Variants in DOCK9 observed in about 807,000 individuals in gnomAD.
The protein encoded by DOCK9 is dedicator of cytokinesis 9.
Under a neutral mutation model 263.3 loss-of-function variants are expected in DOCK9, and 89 were observed. That is an observed-to-expected ratio of 0.34 (90% CI 0.28 to 0.40). DOCK9 has a LOEUF of 0.40. DOCK9 is among the 10% of genes least tolerant of loss of function. The pLI is 1.00. For synonymous variants in DOCK9, 976 were observed against 973.1 expected, an observed-to-expected ratio of 1.00 and a Z score of -0.06; for missense variants, 2,140 against 2,603.4, an observed-to-expected ratio of 0.82 and a Z score of 3.87.
At chr13:98,857,983 T>C (rs540558286) in intron 33 of DOCK9, 42 of 152,270 alleles carry the variant, frequency 2.8e-4, no homozygotes, top group African/African-American at 9.9e-4. Flanking sequence ...ACAGAAGTCA[T>C]GAAAAAGAAC....
intron 8 of DOCK9, among the ~76,000 whole-genome samples, chr13:98,914,895 A>C (rs1248191637): frequency 6.6e-6 from 1 of 152,206 alleles, no homozygotes; most frequent in Non-Finnish European, 1.5e-5. Flanking sequence ...TCTAATTATT[A>C]CTAATATTTT....
intron 2 of DOCK9, among the ~76,000 whole-genome samples, chr13:98,933,462 G>C (rs912629850): frequency 6.6e-6 from 1 of 151,772 alleles, no homozygotes; most frequent in African/African-American, 2.4e-5. Flanking sequence ...AGAAACCTGA[G>C]TTTTAACAGA....
chr13:98,869,832 G>A (rs1223095613), intron 27 of DOCK9, among the ~76,000 whole-genome samples: 2 of 152,248 alleles, frequency 1.3e-5, no homozygotes, highest in Non-Finnish European at 2.9e-5. Context: ...AAAAGGAGCC[G>A]CTGGCCTCCC....
chr13:98,842,408 G>A (rs2093253999), intron 38 of DOCK9, among the ~76,000 whole-genome samples: 1 of 152,142 alleles, frequency 6.6e-6, no homozygotes, highest in Non-Finnish European at 1.5e-5. Flanking sequence ...ATCTTTAACT[G>A]CCTTTTAGAT....
At chr13:98,834,949 A>C (rs1469761798) in intron 39 of DOCK9, among the ~76,000 whole-genome samples, 1 of 152,196 alleles carries the variant, frequency 6.6e-6, no homozygotes, top group Non-Finnish European at 1.5e-5. Flanking sequence ...TGGACAGGTC[A>C]GTTGTGTAGT....
At chr13:99,010,262 T>G (rs1884245970) in intron 1 of DOCK9, among the ~76,000 whole-genome samples, 1 of 152,234 alleles carries the variant, frequency 6.6e-6, no homozygotes, top group African/African-American at 2.4e-5. Context: ...CTTCAATTCT[T>G]CCACAGCTAC....
intron 1 of DOCK9, among the ~76,000 whole-genome samples, chr13:98,956,137 G>A (rs75804809): frequency 6.6e-6 from 1 of 152,236 alleles, no homozygotes; most frequent in Non-Finnish European, 1.5e-5. Flanking sequence ...AGCCAGGGGG[G>A]CAGGTACTAC....
intron 1 of DOCK9, among the ~76,000 whole-genome samples, chr13:99,077,742 T>C (rs962245907): frequency 2.0e-5 from 3 of 152,164 alleles, no homozygotes; most frequent in Non-Finnish European, 2.9e-5. Flanking sequence ...TGGAGTTCGG[T>C]GCTGCCATGT....
chr13:99,083,525 T>C (rs1400507941), intron 1 of DOCK9, among the ~76,000 whole-genome samples: 1 of 152,116 alleles, frequency 6.6e-6, no homozygotes, highest in Admixed American at 6.5e-5. Context: ...TGAAAAATAA[T>C]AGGAAGAAGA....
intron 9 of DOCK9, among the ~76,000 whole-genome samples, chr13:98,911,861 C>T (rs1321861262): frequency 7.1e-6 from 1 of 140,176 alleles, no homozygotes; most frequent in African/African-American, 2.6e-5. Flanking sequence ...AATTCTATTA[C>T]ATTAAAAAAA....
chr13:98,797,334 G>T (rs759839494), intron 51 of DOCK9, 55 bp downstream of exon 51: 7 of 1,608,422 alleles, frequency 4.4e-6, no homozygotes, highest in Middle Eastern at 1.6e-4. Context: ...CTTCCCGAAT[G>T]AGTACAGAAA....
intron 1 of DOCK9, among the ~76,000 whole-genome samples, chr13:99,072,426 T>C (rs577899340): frequency 6.6e-6 from 1 of 152,132 alleles, no homozygotes; most frequent in African/African-American, 2.4e-5. Flanking sequence ...TTGTATAATA[T>C]CAAAAGAACT....
At chr13:98,977,112 C>G (rs984395276) in intron 1 of DOCK9, among the ~76,000 whole-genome samples, 22 of 152,290 alleles carry the variant, frequency 1.4e-4, no homozygotes, top group African/African-American at 5.1e-4. Context: ...AGAAGCACAA[C>G]CTACTCACTG....
At chr13:98,826,464 C>A (rs1241994788) in intron 44 of DOCK9, among the ~76,000 whole-genome samples, 1 of 152,238 alleles carries the variant, frequency 6.6e-6, no homozygotes, top group East Asian at 1.9e-4. Context: ...GAAATGCTGT[C>A]TGATAATCTC....
At chr13:98,946,273 A>T (rs1026992818) in intron 2 of DOCK9, among the ~76,000 whole-genome samples, 1 of 152,170 alleles carries the variant, frequency 6.6e-6, no homozygotes, top group African/African-American at 2.4e-5. Context: ...CAAGGAGAGA[A>T]CCCAGAAGAC....
intron 47 of DOCK9, 68 bp downstream of exon 47, chr13:98,809,284 T>G (rs9300513): frequency 6.0e-6 from 7 of 1,166,230 alleles, no homozygotes; most frequent in Admixed American, 2.6e-5. Flanking sequence ...TATAGTTTTT[T>G]TTTTGTTTTT....
intron 1 of DOCK9, among the ~76,000 whole-genome samples, chr13:99,020,829 C>G (rs1030933712): frequency 6.6e-6 from 1 of 152,152 alleles, no homozygotes; most frequent in African/African-American, 2.4e-5. Context: ...GGAATTCTCT[C>G]CATTCTGCAG....
intron 2 of DOCK9, among the ~76,000 whole-genome samples, chr13:98,942,374 G>A (rs2056077285): frequency 6.6e-6 from 1 of 151,904 alleles, no homozygotes; most frequent in Non-Finnish European, 1.5e-5. Flanking sequence ...GAGTAGCTGG[G>A]ACTACAGGCA....
At chr13:98,853,322 T>A in intron 35 of DOCK9, 86 bp downstream of exon 35, 2 of 796,506 alleles carry the variant, frequency 2.5e-6, no homozygotes, top group Non-Finnish European at 4.0e-6. Flanking sequence ...TTGAAATCTT[T>A]GTATCATTTC....
Sources: allele counts gnomAD v4.1 joint callset (sites outside exome capture counted in the v4.1 genomes callset), GRCh38; gene constraint gnomAD v4.1.1; transcripts MANE v1.5; gene names NCBI Gene and HGNC (gene_info 2026-07-23, HGNC 2026-07-21).